ZNF423: variants seen among roughly 807,000 people sequenced by gnomAD.
ZNF423 encodes the protein Ebf-associated zinc finger protein.
Under a neutral mutation model 95.8 loss-of-function variants are expected in ZNF423, and 12 were observed. The observed-to-expected ratio is 0.13, with a 90% CI of 0.08 to 0.20. The LOEUF is 0.20. ZNF423 is among the 10% of genes least tolerant of loss of function. The probability of loss-of-function intolerance (pLI) is 1.00; values close to 1 mark genes in which losing one functional copy is unlikely to be tolerated. For synonymous variants in ZNF423, 749 were observed against 711.9 expected (o/e 1.05, Z -0.83); for missense variants, 1,316 against 1,737.1 (o/e 0.76, Z 4.31).
At chr16:49,667,907 G>A (rs946495825) in intron 3 of ZNF423, among the ~76,000 whole-genome samples, 1 of 152,116 alleles carries the variant, frequency 6.6e-6, no homozygotes, top group Non-Finnish European at 1.5e-5. Context: ...TGATAATAAA[G>A]AAGAGGAGCA....
At chr16:49,791,050 A>C (rs1459597355) in intron 1 of ZNF423, among the ~76,000 whole-genome samples, 1 of 152,172 alleles carries the variant, frequency 6.6e-6, no homozygotes, top group Non-Finnish European at 1.5e-5. Context: ...TCCTCCCCAA[A>C]GCCTCACAGA....
intron 5 of ZNF423, among the ~76,000 whole-genome samples, chr16:49,571,695 G>T (rs2151787657): frequency 6.6e-6 from 1 of 152,226 alleles, no homozygotes; most frequent in South Asian, 2.1e-4. Context: ...GAGTGGTTGG[G>T]AGCGTAGAAT....
intron 1 of ZNF423, among the ~76,000 whole-genome samples, chr16:49,810,190 C>T (rs1054892515): frequency 6.6e-6 from 1 of 151,960 alleles, no homozygotes; most frequent in East Asian, 1.9e-4. Context: ...AGAAAGAACA[C>T]GTTCCCAGAC....
At chr16:49,792,811 G>A (rs1240137801) in intron 1 of ZNF423, among the ~76,000 whole-genome samples, 4 of 152,228 alleles carry the variant, frequency 2.6e-5, no homozygotes, top group East Asian at 1.9e-4. Context: ...ACAGGCTGGA[G>A]TGCAGTGGTG....
Position 49,491,195 on chromosome 16 carries a change from T to A in ZNF423, c.*80A>T. 2 of 1,559,586 alleles carry A rather than the reference T, an allele frequency of 1.3e-6. No homozygotes were observed. Among genetic ancestry groups the A allele is most frequent in the Admixed American group, 3.3e-5 (2 of 59,830 alleles). ...ATCTGGGTTGCAAATGACACTTTGA[T>A]TGGATGTAATGTTCAAATGGCCCTC... is the stretch of plus-strand genomic sequence containing the variant. On this transcript the variant is annotated 3_prime_UTR_variant, in exon 8 of 8. Transcript: ENST00000563137.
chr16:49,759,261 T>C, intron 2 of ZNF423, among the ~76,000 whole-genome samples: 1 of 152,002 alleles, frequency 6.6e-6, no homozygotes. Flanking sequence ...CAGCTGGGTG[T>C]GTTGGTGCAC....
intron 1 of ZNF423, among the ~76,000 whole-genome samples, chr16:49,813,569 G>A (rs1402013052): frequency 2.6e-5 from 4 of 152,198 alleles, no homozygotes; most frequent in African/African-American, 9.6e-5. Context: ...AGACACGGGA[G>A]GTGACAAACT....
At chr16:49,854,223 G>C in intron 1 of ZNF423, 1 of 985,422 alleles carries the variant, frequency 1.0e-6, no homozygotes, top group Middle Eastern at 5.2e-4. Context: ...AGGCGAACAA[G>C]ACCAACTTCT....
At chr16:49,753,971 C>T (rs1009444953) in intron 2 of ZNF423, among the ~76,000 whole-genome samples, 5 of 149,324 alleles carry the variant, frequency 3.3e-5, no homozygotes, top group Non-Finnish European at 7.4e-5. Flanking sequence ...GAGAAGGGTG[C>T]AGAGAGCTGA....
At chr16:49,832,784 A>T (rs1201679468) in intron 1 of ZNF423, among the ~76,000 whole-genome samples, 1 of 151,910 alleles carries the variant, frequency 6.6e-6, no homozygotes, top group African/African-American at 2.4e-5. Context: ...TGGACAGAAG[A>T]GACATGCCCA....
At chr16:49,515,238 C>A (rs1156239128) in intron 7 of ZNF423, among the ~76,000 whole-genome samples, 1 of 152,236 alleles carries the variant, frequency 6.6e-6, no homozygotes, top group Non-Finnish European at 1.5e-5. Flanking sequence ...CGCGCACAGG[C>A]CCCATGGCGT....
At chr16:49,598,026 A>T (rs1395450928) in intron 5 of ZNF423, among the ~76,000 whole-genome samples, 2 of 152,132 alleles carry the variant, frequency 1.3e-5, no homozygotes, top group African/African-American at 4.8e-5. Context: ...TCCCCTGCCC[A>T]CAATGCAGAA....
chr16:49,634,660 G>A (rs192486025), intron 4 of ZNF423, among the ~76,000 whole-genome samples: 5 of 152,288 alleles, frequency 3.3e-5, no homozygotes, highest in East Asian at 3.9e-4. Context: ...TGCCAGCAGC[G>A]GTCCTTGAGG....
intron 7 of ZNF423, among the ~76,000 whole-genome samples, chr16:49,505,214 TGGAGTACTTGAAATCAGG>T (rs1967580986): frequency 3.9e-5 from 6 of 152,182 alleles, no homozygotes; most frequent in Admixed American, 3.9e-4. Context: ...AGAGCTGGGA[TGGAGTACTTGAAATCAGG>T]ACTGTACTGG....
At chr16:49,528,780 G>A (rs1968723562) in intron 5 of ZNF423, among the ~76,000 whole-genome samples, 1 of 151,762 alleles carries the variant, frequency 6.6e-6, no homozygotes, top group Admixed American at 6.6e-5. Flanking sequence ...GGCCGGGGAG[G>A]TGGAGAGGGC....
At chr16:49,762,390 A>G (rs981180756) in intron 2 of ZNF423, among the ~76,000 whole-genome samples, 1 of 152,182 alleles carries the variant, frequency 6.6e-6, no homozygotes, top group African/African-American at 2.4e-5. Flanking sequence ...TGATGCCCAG[A>G]CAGAATGCCC....
At chr16:49,525,604 A>T in intron 5 of ZNF423, 110 bp from the exon 6 acceptor site, 1 of 1,467,204 alleles carries the variant, frequency 6.8e-7, no homozygotes, top group East Asian at 2.3e-5. Flanking sequence ...AATCCCCAGC[A>T]CCGGGGCTGG....
In ZNF423 at chr16:49,838,386, G is replaced by A. The variant is rs561110200; in HGVS notation, c.40+17349C>T. ...ACACATCACGTACCTATTTCACAGG[G>A]GTGCTGTGAACCTTGAATGAATCAA... On this transcript the variant is annotated intron_variant, in intron 1 of 7. Coordinates refer to ENST00000563137, the MANE Select transcript of ZNF423 (RefSeq NM_001379286.1). Among the ~76,000 whole-genome samples the A allele has an allele frequency of 9.2e-5, 14 of 152,332 alleles. No individual in the cohort carries two copies. In the East Asian group the frequency reaches 2.5e-3, roughly 27 times the overall value.
intron 7 of ZNF423, among the ~76,000 whole-genome samples, chr16:49,494,506 G>A (rs1411600776): frequency 1.3e-5 from 2 of 152,214 alleles, no homozygotes; most frequent in Non-Finnish European, 2.9e-5. Flanking sequence ...CGAGGGGCCT[G>A]ATTTAGAGGG....
Sources: gnomAD v4.1 joint callset for allele counts (sites outside exome capture counted in the v4.1 genomes callset) on GRCh38, gnomAD v4.1.1 for gene constraint, MANE v1.5 for transcripts, NCBI Gene and HGNC (gene_info 2026-07-23, HGNC 2026-07-21) for gene names.